PDE4D: variants seen among roughly 807,000 people sequenced by gnomAD.
The protein encoded by PDE4D is phosphodiesterase 4D, also known as 3',5'-cyclic-AMP phosphodiesterase 4D.
Under a neutral mutation model 87.4 loss-of-function variants are expected in PDE4D, and 24 were observed. The observed-to-expected ratio is 0.27, with a 90% CI of 0.20 to 0.39. The LOEUF (loss-of-function observed/expected upper bound fraction) is 0.39, where lower values mean the gene tolerates loss of function less well. Among genes scored for constraint, PDE4D ranks in the 10% least tolerant of loss-of-function variants. The pLI, the probability that PDE4D is intolerant of heterozygous loss-of-function variation, is 1.00. For synonymous variants in PDE4D, 384 were observed against 383.2 expected (o/e 1.00, Z -0.02); for missense variants, 714 against 1,041.0 (o/e 0.69, Z 4.32).
At chr5:59,408,352 AT>A (rs1346510785) in intron 1 of PDE4D, among the ~76,000 whole-genome samples, 1 of 152,218 alleles carries the variant, frequency 6.6e-6, no homozygotes, top group Non-Finnish European at 1.5e-5. Context: ...GATAGAAAGA[AT>A]GGAAAGAGTG....
intron 1 of PDE4D, among the ~76,000 whole-genome samples, chr5:59,473,305 C>G (rs948029103): frequency 6.6e-6 from 1 of 151,952 alleles, no homozygotes; most frequent in African/African-American, 2.4e-5. Context: ...TTCTTAATTT[C>G]GAGTGGCCAG....
intron 1 of PDE4D, among the ~76,000 whole-genome samples, chr5:59,795,167 A>G (rs1245092376): frequency 6.6e-6 from 1 of 152,236 alleles, no homozygotes; most frequent in Admixed American, 6.5e-5. Flanking sequence ...TCAATGGTCA[A>G]CCTTCCTGAT....
chr5:59,098,651 C>A (rs983787244), intron 5 of PDE4D, among the ~76,000 whole-genome samples: 8 of 145,310 alleles, frequency 5.5e-5, no homozygotes, highest in Non-Finnish European at 1.2e-4. Context: ...CTGCAGTAAG[C>A]CCTGATCACA....
chr5:60,251,284 G>GATTATTT (rs1748418092), intron 1 of PDE4D, among the ~76,000 whole-genome samples: 1 of 151,458 alleles, frequency 6.6e-6, no homozygotes, highest in Non-Finnish European at 1.5e-5. Context: ...ATGGGGGTTT[G>GATTATTT]GTGTACAGAT....
chr5:59,328,574 C>T (rs182213425), intron 1 of PDE4D, among the ~76,000 whole-genome samples: 12 of 152,256 alleles, frequency 7.9e-5, no homozygotes, highest in East Asian at 3.9e-4. Flanking sequence ...ATAATAGCCT[C>T]GATGGACTCT....
intron 5 of PDE4D, among the ~76,000 whole-genome samples, chr5:59,119,593 G>T (rs1774149380): frequency 6.6e-6 from 1 of 152,138 alleles, no homozygotes; most frequent in Non-Finnish European, 1.5e-5. Context: ...AGGAAATAAT[G>T]GAAGACTATC....
chr5:59,676,570 C>A (rs531953097), intron 1 of PDE4D, among the ~76,000 whole-genome samples: 1 of 152,188 alleles, frequency 6.6e-6, no homozygotes, highest in South Asian at 2.1e-4. Flanking sequence ...CATAAAGAAC[C>A]ATTTTATTCA....
At chr5:60,250,894 T>A (rs1226255804) in intron 1 of PDE4D, among the ~76,000 whole-genome samples, 1 of 151,928 alleles carries the variant, frequency 6.6e-6, no homozygotes, top group Admixed American at 6.6e-5. Context: ...GCTCCTTGCA[T>A]GTTATTGCCC....
At chr5:59,959,028 G>A (rs1294447564) in intron 3 of PDE4D, among the ~76,000 whole-genome samples, 4 of 151,856 alleles carry the variant, frequency 2.6e-5, no homozygotes, top group Admixed American at 2.0e-4. Context: ...AAAATCAGTA[G>A]CATTTCTATA....
rs137999013 is a variant in PDE4D, at chr5:60,439,846, T to C, written c.-90+48096A>G. 2.1e-3 allele frequency among the ~76,000 whole-genome samples: 323 copies of C among 151,896 alleles called. 1 individual carries two copies. Among genetic ancestry groups the C allele is most frequent in the African/African-American group, 7.6e-3 (313 of 41,448 alleles). ...CTCTCTGTCTTCCATCCATCCTGGG[T>C]GCAATTTTAAAAGTAAAGTATTATC... is the stretch of plus-strand genomic sequence containing the variant. On this transcript the variant is annotated intron_variant, in intron 1 of 16. Transcript: ENST00000502484.
chr5:59,220,580 G>GAGT (rs1752333206), intron 1 of PDE4D, among the ~76,000 whole-genome samples: 1 of 152,082 alleles, frequency 6.6e-6, no homozygotes, highest in Non-Finnish European at 1.5e-5. Context: ...TCAGTAGGTA[G>GAGT]TAAGTTAACT....
chr5:60,519,714 A>T (rs544511370), intron 1 of PDE4D, among the ~76,000 whole-genome samples: 1 of 152,354 alleles, frequency 6.6e-6, no homozygotes, highest in East Asian at 1.9e-4. Flanking sequence ...CCTTTGGAGG[A>T]GGCTTTTCCT....
chr5:59,262,115 GA>G (rs1407595878), intron 1 of PDE4D, among the ~76,000 whole-genome samples: 1 of 151,862 alleles, frequency 6.6e-6, no homozygotes, highest in African/African-American at 2.4e-5. Context: ...AGGTGAAATA[GA>G]AGTCTCCTGC....
At chr5:59,887,934 G>A (rs1750405525) in intron 1 of PDE4D, among the ~76,000 whole-genome samples, 1 of 152,218 alleles carries the variant, frequency 6.6e-6, no homozygotes, top group African/African-American at 2.4e-5. Context: ...TGGCCACAAT[G>A]TGTAAAATGT....
intron 1 of PDE4D, among the ~76,000 whole-genome samples, chr5:60,337,384 T>TACACACACAC (rs1231392851): frequency 4.0e-5 from 4 of 100,342 alleles, no homozygotes; most frequent in African/African-American, 1.6e-4. Flanking sequence ...TATATATATA[T>TACACACACAC]ATATACACAC....
intron 1 of PDE4D, among the ~76,000 whole-genome samples, chr5:60,238,847 A>C (rs539151663): frequency 6.6e-6 from 1 of 152,058 alleles, no homozygotes; most frequent in Non-Finnish European, 1.5e-5. Flanking sequence ...GTTTTAATAT[A>C]TTCAACCTAT....
rs577939396 is a variant in PDE4D, at chr5:59,532,051, T to G, written c.456-316083A>C. ...TCAAAAAATATTTATTTCAGAAAAT[T>G]AATGAAAGAAAATTGGATTGGGCTA... is the stretch of plus-strand genomic sequence containing the variant. On this transcript the variant is annotated intron_variant, in intron 1 of 14. Coordinates refer to ENST00000340635, the MANE Select transcript of PDE4D (RefSeq NM_001104631.2). Among the ~76,000 whole-genome samples the G allele has an allele frequency of 3.3e-5, 5 of 152,188 alleles. No homozygotes were observed. The East Asian group carries it at 9.6e-4, about 29-fold the overall frequency.
intron 1 of PDE4D, among the ~76,000 whole-genome samples, chr5:59,486,765 G>C (rs1490340423): frequency 6.6e-6 from 1 of 152,094 alleles, no homozygotes; most frequent in African/African-American, 2.4e-5. Flanking sequence ...AAAGTACATA[G>C]GAGACATGGC....
Position 59,282,643 on chromosome 5 carries a change from CAA to C in PDE4D, c.456-66677_456-66676del, listed in dbSNP as rs60262509. Among the ~76,000 whole-genome samples the C allele has an allele frequency of 9.8e-4, 38 of 38,868 alleles. No homozygotes were observed. The East Asian group carries it at 0.014, about 15-fold the overall frequency. The allele number at this position is 38,868 out of a possible 152,430, so 25.5% of individuals were successfully genotyped here. On this transcript the variant is annotated intron_variant, in intron 1 of 14. Transcript: ENST00000340635. ...GGGCGACAAGAGTGAAACTCCAGCTCAAAAAAAAAAAAAAAAAAAAAAAAAGA... is the reference window on the plus strand; with the variant it reads ...GGGCGACAAGAGTGAAACTCCAGCTCAAAAAAAAAAAAAAAAAAAAAAAGA...
Sources: allele counts gnomAD v4.1 joint callset (sites outside exome capture counted in the v4.1 genomes callset), GRCh38; gene constraint gnomAD v4.1.1; transcripts MANE v1.5; gene names NCBI Gene and HGNC (gene_info 2026-07-23, HGNC 2026-07-21).